Variants in SLITRK4 observed in about 807,000 individuals in gnomAD.
The protein encoded by SLITRK4 is SLIT and NTRK-like protein 4.
A neutral mutation model predicts 34.7 loss-of-function variants in SLITRK4; 7 were observed. The ratio of observed to expected loss-of-function variants is 0.20; its 90% confidence interval spans 0.11 to 0.38. SLITRK4 has a LOEUF of 0.38. Among genes scored for constraint, SLITRK4 ranks in the 10% least tolerant of loss-of-function variants. The pLI is 1.00. For synonymous variants in SLITRK4, 237 were observed against 246.2 expected, an observed-to-expected ratio of 0.96 and a Z score of 0.35; for missense variants, 474 against 607.0, an observed-to-expected ratio of 0.78 and a Z score of 2.30.
At position 143,627,950 on chromosome X, in the gene SLITRK4, ATTTAT is replaced by A; in HGVS notation, c.*640_*644del. ...GACAGGTAATGCTTAAAGTGTTCAAATTTATTTTATAGTTATGTAATGTATGTTAT... is the reference window on the plus strand; with the variant it reads ...GACAGGTAATGCTTAAAGTGTTCAAATTTATAGTTATGTAATGTATGTTAT... On this transcript the variant is annotated 3_prime_UTR_variant, in exon 2 of 2. Transcript: ENST00000356928. The A allele has an allele frequency of 4.3e-6, 1 of 232,991 alleles. No homozygotes were observed. The highest frequency in any genetic ancestry group is 6.4e-5 in the East Asian group (1 of 15,594). The allele number at this position is 232,991 out of a possible 1,213,427, so 19.2% of individuals were successfully genotyped here. A position where few individuals can be genotyped will look rare whatever the true frequency, so the allele number is the denominator to read the frequency against.
Position 143,628,616 on chromosome X carries a change from T to TCAA in SLITRK4, c.2492_2493insTTG (p.Gln831delinsHisTer), listed in dbSNP as rs782077623. On this transcript the variant is annotated stop_gained and protein_altering_variant, in exon 2 of 2. Coordinates refer to ENST00000356928, the MANE Select transcript of SLITRK4 (RefSeq NM_001184749.3). LOFTEE classifies it high-confidence loss of function. ...TGACCTAGATCTTGTTCAAAGCTGTTTGCTCCTCAAGGACCTGTAGGTAGT... is the reference window on the plus strand; with the variant it reads ...TGACCTAGATCTTGTTCAAAGCTGTTCAATGCTCCTCAAGGACCTGTAGGTAGT... 1.3e-5 allele frequency: 15 copies of TCAA among 1,193,532 alleles called. No homozygotes were observed. In the East Asian group the frequency reaches 4.4e-4, roughly 35 times the overall value.
rs1930719057 is a variant in SLITRK4, at chrX:143,624,375, T to C, written c.*4220A>G. 1.8e-5 allele frequency: 2 copies of C among 111,798 alleles called. No homozygotes were observed. Among genetic ancestry groups the C allele is most frequent in the Admixed American group, 9.5e-5 (1 of 10,515 alleles). 9.2% of individuals were successfully genotyped at this position (111,798 alleles called of 1,213,427 possible). On this transcript the variant is annotated 3_prime_UTR_variant, in exon 2 of 2. Coordinates refer to ENST00000356928, the MANE Select transcript of SLITRK4 (RefSeq NM_001184749.3). ...GGGTTTCTAAAAGTATTTGAGCAGA[T>C]AGTTAAGACTGAATATTAGTATTTG... is the stretch of plus-strand genomic sequence containing the variant.
At position 143,629,368 on chromosome X, in the gene SLITRK4, G is replaced by A; in HGVS notation, c.1741C>T (p.Pro581Ser). 1 of 1,211,601 alleles carries A rather than the reference G, an allele frequency of 8.3e-7. No individual in the cohort carries two copies. The highest frequency in any genetic ancestry group is 1.1e-6 in the Non-Finnish European group (1 of 895,525). ...LKSLKNEILC[P>S]KLLNKPSAPF... ...GCAGACGGCTTATTTAAAAGTTTGG[G>A]ACATAAGATTTCATTTTTGAGGGAC... Residue 581 changes from proline (P) to serine (S), a missense_variant, in exon 2 of 2, where the codon CCC becomes TCC. Around this residue, in one of 3 missense-constraint regions of SLITRK4, gnomAD observed 345 missense variants for 406.5 expected, o/e 0.85. Coordinates refer to ENST00000356928, the MANE Select transcript of SLITRK4 (RefSeq NM_001184749.3).
At chrX:143,634,729 G>T (rs1226887906) in intron 1 of SLITRK4, 1 of 106,374 alleles carries the variant, frequency 9.4e-6, no homozygotes, top group African/African-American at 3.3e-5. Flanking sequence ...TGCCCCCTCG[G>T]CTCGCGTGCG....
Position 143,630,081 on chromosome X carries a change from G to A in SLITRK4, c.1028C>T (p.Pro343Leu). ...QTRVPPLTPC[P>L]APCFCKTHPS... is the part of the protein sequence containing the mutation. ...GTGTGTTTTGCAGAAGCAAGGTGCC[G>A]GGCAAGGTGTTAGAGGAGGCACCCT... The change falls in exon 2 of 2, where the codon CCG becomes CTG. Residue 343 changes from proline (P) to leucine (L), a missense_variant. Around this residue, in one of 3 missense-constraint regions of SLITRK4, gnomAD observed 345 missense variants for 406.5 expected, o/e 0.85. Coordinates refer to ENST00000356928, the MANE Select transcript of SLITRK4 (RefSeq NM_001184749.3). 1.7e-6 allele frequency: 2 copies of A among 1,211,910 alleles called. No individual in the cohort carries two copies. The highest frequency in any genetic ancestry group is 2.2e-6 in the Non-Finnish European group (2 of 895,485).
chrX:143,632,469 T>C (rs1050749349), intron 1 of SLITRK4, among the ~76,000 whole-genome samples: 5 of 112,159 alleles, frequency 4.5e-5, no homozygotes, highest in African/African-American at 6.5e-5. Flanking sequence ...GTCTTTTCCA[T>C]TGTGAATGGG....
rs1490379787 is a variant in SLITRK4 at position 143,628,663 on chromosome X, C to T, written c.2446G>A (p.Ala816Thr). ...QRKSEYFELKAKLQSSPDYLQ... is the reference protein window; with the variant it reads ...QRKSEYFELKTKLQSSPDYLQ... ...TAGTCAGGGGAACTCTGCAGTTTCG[C>T]CTTCAGTTCAAAATACTCACTCTTC... is the stretch of plus-strand genomic sequence containing the variant. Residue 816 changes from alanine to threonine, a missense_variant, in exon 2 of 2, where the codon GCG (alanine) becomes ACG (threonine). Transcript: ENST00000356928. 8.3e-7 allele frequency: 1 copy of T among 1,208,792 alleles called. No homozygotes were observed. The highest frequency in any genetic ancestry group is 1.8e-5 in the African/African-American group (1 of 57,122).
At position 143,623,870 on chromosome X, in the gene SLITRK4, T is replaced by C. The variant is rs994261105; in HGVS notation, c.*4725A>G. ...TGCCAAACCTTGATTTGATGCCACT[T>C]GTCTACATAACAGAAGTGGCTGGAA... On this transcript the variant is annotated 3_prime_UTR_variant, in exon 2 of 2. Transcript: ENST00000356928. 8.1e-5 allele frequency: 9 copies of C among 111,493 alleles called. No individual in the cohort carries two copies. Among genetic ancestry groups the C allele is most frequent in the Non-Finnish European group, 1.3e-4 (7 of 52,914 alleles). The allele number at this position is 111,493 out of a possible 1,213,427, so 9.2% of individuals were successfully genotyped here.
Position 143,624,291 on chromosome X carries a change from A to G in SLITRK4, c.*4304T>C, listed in dbSNP as rs1458788339. On this transcript the variant is annotated 3_prime_UTR_variant, in exon 2 of 2. Transcript: ENST00000356928. ...CCAAATACAAATCACAATTCACTCC[A>G]TAAGTGGGTAACTAACCTGTAACCA... The G allele has an allele frequency of 8.9e-6, 1 of 112,146 alleles. No individual in the cohort carries two copies. The highest frequency in any genetic ancestry group is 1.9e-5 in the Non-Finnish European group (1 of 53,070). The allele number at this position is 112,146 out of a possible 1,213,427, so 9.2% of individuals were successfully genotyped here.
intron 1 of SLITRK4, among the ~76,000 whole-genome samples, chrX:143,633,316 G>A (rs1931110208): frequency 2.7e-5 from 3 of 111,371 alleles, no homozygotes. Context: ...AAAGAACTCG[G>A]AGAAGGGAGC....
Position 143,630,269 on chromosome X carries a change from C to T in SLITRK4, c.840G>A (p.Leu280=), listed in dbSNP as rs782609656. 1.7e-6 allele frequency: 2 copies of T among 1,211,736 alleles called. No homozygotes were observed. Among genetic ancestry groups the T allele is most frequent in the South Asian group, 3.5e-5 (2 of 56,983 alleles). ...CATTGGGAGTGGTGTAGCCATTTTC[C>T]AGCTGAGATGGAGGCAGGATGCGCA... ...FDVRILPPSQ[L]ENGYTTPNGH... is the part of the protein sequence containing the mutation. Residue 280 remains leucine, a synonymous_variant, in exon 2 of 2, where the codon CTG becomes CTA. Transcript: ENST00000356928.
At position 143,623,951 on chromosome X, in the gene SLITRK4, G is replaced by A. The variant is rs1556425019; in HGVS notation, c.*4644C>T. 1.8e-5 allele frequency: 2 copies of A among 111,909 alleles called. No individual in the cohort carries two copies. The highest frequency in any genetic ancestry group is 6.5e-5 in the African/African-American group (2 of 30,862). 9.2% of individuals were successfully genotyped at this position (111,909 alleles called of 1,213,427 possible). A position where few individuals can be genotyped will look rare whatever the true frequency, so the allele number is the denominator to read the frequency against. ...AAATAAAATAACACAATCCTACGGT[G>A]TATCTCCTCAGATGCATAAGGCATT... On this transcript the variant is annotated 3_prime_UTR_variant, in exon 2 of 2. Coordinates refer to ENST00000356928, the MANE Select transcript of SLITRK4 (RefSeq NM_001184749.3).
Position 143,630,044 on chromosome X carries a change from C to T in SLITRK4, c.1065G>A (p.Leu355=). ...TCTCTTGGCAGTTCACACTTAGTCC[C>T]AAATCTGAAGGGTGTGTTTTGCAGA... is the stretch of plus-strand genomic sequence containing the variant. ...PCFCKTHPSD[L]GLSVNCQEKN... The change falls in exon 2 of 2, where the codon TTG becomes TTA. Residue 355 remains leucine (L), a synonymous_variant. Transcript: ENST00000356928. The T allele has an allele frequency of 1.7e-6, 2 of 1,211,685 alleles. No homozygotes were observed. The highest frequency in any genetic ancestry group is 2.2e-6 in the Non-Finnish European group (2 of 895,455).
rs376382019 is a variant in SLITRK4, at chrX:143,628,589, C to T, written c.*6G>A. The T allele has an allele frequency of 1.6e-4, 186 of 1,155,726 alleles. 1 individual carries two copies. In the South Asian group the frequency reaches 3.3e-3, roughly 20 times the overall value. ...ATGTCCTCTGTATGAAGTAAGATTA[C>T]ATGACCTAGATCTTGTTCAAAGCTG... is the stretch of plus-strand genomic sequence containing the variant. On this transcript the variant is annotated 3_prime_UTR_variant, in exon 2 of 2. Transcript: ENST00000356928.
chrX:143,623,340 C>T lies in SLITRK4; in HGVS notation c.*5255G>A, dbSNP rs1930688499. On this transcript the variant is annotated 3_prime_UTR_variant, in exon 2 of 2. Transcript: ENST00000356928. ...ATGTCAATTATGGATTAATGAGAAG[C>T]TTGAATCTTTATTCTCAATAGCAAT... is the stretch of plus-strand genomic sequence containing the variant. The T allele has an allele frequency of 9.0e-6, 1 of 110,508 alleles. No homozygotes were observed. The highest frequency in any genetic ancestry group is 3.3e-5 in the African/African-American group (1 of 30,414). The allele number at this position is 110,508 out of a possible 1,213,427, so 9.1% of individuals were successfully genotyped here.
chrX:143,634,755 T>G (rs1166272930), intron 1 of SLITRK4: 1 of 93,520 alleles, frequency 1.1e-5, no homozygotes, highest in Non-Finnish European at 2.3e-5. Flanking sequence ...GCGAGATCTC[T>G]CTCTCTCTCT....
rs377761138 is a variant in SLITRK4, at chrX:143,625,773, T to C, written c.*2822A>G. 1 of 111,771 alleles carries C rather than the reference T, an allele frequency of 8.9e-6. No individual in the cohort carries two copies. The highest frequency in any genetic ancestry group is 2.8e-4 in the East Asian group (1 of 3,590). 9.2% of individuals were successfully genotyped at this position (111,771 alleles called of 1,213,427 possible). The stretch of plus-strand genomic sequence containing the variant: ...ACAACTAGAACTAATGAGAGACAGG[T>C]GCAAAATTGTATACACTATATAATG... On this transcript the variant is annotated 3_prime_UTR_variant, in exon 2 of 2. Coordinates refer to ENST00000356928, the MANE Select transcript of SLITRK4 (RefSeq NM_001184749.3).
Position 143,630,135 on chromosome X carries a change from T to C in SLITRK4, c.974A>G (p.Asn325Ser), listed in dbSNP as rs782117502. 5 of 1,211,701 alleles carry C rather than the reference T, an allele frequency of 4.1e-6. No individual in the cohort carries two copies. The highest frequency in any genetic ancestry group is 2.3e-4 in the Middle Eastern group (1 of 4,355). The change falls in exon 2 of 2, where the codon AAT becomes AGT. Residue 325 changes from asparagine (N) to serine (S), a missense_variant. Around this residue, in one of 3 missense-constraint regions of SLITRK4, gnomAD observed 345 missense variants for 406.5 expected, o/e 0.85. Transcript: ENST00000356928. ...TTGGTAAGACACAATCTGACTGAGATTGCGGTTGGAGAGGGCTTTGCCTGC... is the reference window on the plus strand; with the variant it reads ...TTGGTAAGACACAATCTGACTGAGACTGCGGTTGGAGAGGGCTTTGCCTGC... ...IVAGKALSNR[N>S]LSQIVSYQTR...
At position 143,634,589 on chromosome X, in the gene SLITRK4, C is replaced by T. The variant is rs782688971; in HGVS notation, c.-51+1146G>A. On this transcript the variant is annotated intron_variant, in intron 1 of 1. Transcript: ENST00000356928. ...CAAGGACACCCGGATCCTTTCCGGT[C>T]CTCAGCGGCATGAGACCGCGTCGTA... 2.3e-3 allele frequency: 251 copies of T among 109,692 alleles called. 1 individual carries two copies. Among genetic ancestry groups the T allele is most frequent in the Middle Eastern group, 9.7e-3 (2 of 207 alleles). 9.0% of individuals were successfully genotyped at this position (109,692 alleles called of 1,213,427 possible). A position where few individuals can be genotyped will look rare whatever the true frequency, so the allele number is the denominator to read the frequency against.
Sources: gnomAD v4.1 joint callset for allele counts (sites outside exome capture counted in the v4.1 genomes callset) on GRCh38, gnomAD v4.1.1 for gene constraint, gnomAD v4.1.1 regional missense constraint, MANE v1.5 for transcripts, NCBI Gene and HGNC (gene_info 2026-07-23, HGNC 2026-07-21) for gene names.